Variants in TAPT1 observed in about 807,000 individuals in gnomAD.
TAPT1 encodes transmembrane anterior posterior transformation 1.
TAPT1 carries 28 observed loss-of-function variants against 65.6 expected under a neutral mutation model. The ratio of observed to expected loss-of-function variants is 0.43; its 90% CI spans 0.32 to 0.59. The LOEUF (loss-of-function observed/expected upper bound fraction) is 0.59. Among genes scored for constraint, TAPT1 ranks in the 20% least tolerant of loss-of-function variants. The pLI is 0.09. For missense variants in TAPT1, 563 were observed against 679.9 expected (o/e 0.83, Z 1.91); for synonymous variants, 278 against 245.2 (o/e 1.13, Z -1.25).
chr4:16,191,569 G>A, intron 3 of TAPT1, 46 bp from the exon 4 acceptor site: 1 of 1,508,104 alleles, frequency 6.6e-7, no homozygotes, highest in Non-Finnish European at 8.9e-7. Context: ...TACTCTGTAT[G>A]TTCTCACAAA....
chr4:16,190,297 T>C (rs77344723), intron 4 of TAPT1: 8,096 of 152,146 alleles, frequency 0.053, 236 homozygotes, highest in Middle Eastern at 0.14. Context: ...ATAGACCTTA[T>C]TGTATCCCCC....
chr4:16,222,708 T>A (rs1751322790), intron 1 of TAPT1, among the ~76,000 whole-genome samples: 1 of 152,234 alleles, frequency 6.6e-6, no homozygotes, highest in Non-Finnish European at 1.5e-5. Flanking sequence ...AAAATTCAGT[T>A]GACTTTTCTG....
chr4:16,183,938 A>T (rs1370792392), intron 7 of TAPT1, among the ~76,000 whole-genome samples: 1 of 152,198 alleles, frequency 6.6e-6, no homozygotes, highest in Non-Finnish European at 1.5e-5. Context: ...TTTATGTTCA[A>T]GTTTTCCATT....
intron 13 of TAPT1, among the ~76,000 whole-genome samples, chr4:16,164,497 C>T (rs1287368700): frequency 6.6e-6 from 1 of 152,160 alleles, no homozygotes; most frequent in Non-Finnish European, 1.5e-5. Flanking sequence ...CATAACATGA[C>T]CCCTGAGTCA....
At chr4:16,170,780 C>G in intron 11 of TAPT1, 51 bp from the exon 12 acceptor site, 1 of 1,384,832 alleles carries the variant, frequency 7.2e-7, no homozygotes, top group Non-Finnish European at 1.0e-6. Context: ...GAACACACAA[C>G]CACAGAGTTA....
At chr4:16,199,979 T>C (rs1365579283) in intron 3 of TAPT1, among the ~76,000 whole-genome samples, 1 of 152,190 alleles carries the variant, frequency 6.6e-6, no homozygotes, top group African/African-American at 2.4e-5. Flanking sequence ...AACACAGTTT[T>C]AGATGCCTGT....
intron 7 of TAPT1, chr4:16,182,997 A>C (rs987234848): frequency 2.6e-5 from 4 of 152,226 alleles, no homozygotes; most frequent in African/African-American, 9.6e-5. Context: ...GATGGAGAAA[A>C]AATTCATAGG....
At chr4:16,199,828 T>C (rs1241021381) in intron 3 of TAPT1, among the ~76,000 whole-genome samples, 1 of 152,004 alleles carries the variant, frequency 6.6e-6, no homozygotes, top group Non-Finnish European at 1.5e-5. Flanking sequence ...GGCCTCAAGC[T>C]ACCCTCCCAC....
chr4:16,226,029 C>T, intron 1 of TAPT1: 4 of 1,005,586 alleles, frequency 4.0e-6, no homozygotes, highest in Non-Finnish European at 4.7e-6. Context: ...CACACCTGGC[C>T]TGGCGCGGCC....
chr4:16,194,648 CA>C (rs1013176577), intron 3 of TAPT1, among the ~76,000 whole-genome samples: 20 of 149,466 alleles, frequency 1.3e-4, no homozygotes, highest in African/African-American at 3.9e-4. Context: ...AAAATGAACG[CA>C]AAAAAAAACT....
At chr4:16,205,525 C>T (rs138460131) in intron 2 of TAPT1, among the ~76,000 whole-genome samples, 107 of 152,196 alleles carry the variant, frequency 7.0e-4, no homozygotes, top group African/African-American at 2.4e-3. Flanking sequence ...TGACACAAAC[C>T]GCATGCTAAG....
intron 12 of TAPT1, among the ~76,000 whole-genome samples, chr4:16,170,285 T>C (rs998345683): frequency 1.3e-5 from 2 of 152,236 alleles, no homozygotes; most frequent in South Asian, 2.1e-4. Context: ...CTGCCTACAG[T>C]GTGCTGAACA....
intron 2 of TAPT1, among the ~76,000 whole-genome samples, chr4:16,210,038 C>T (rs1231048735): frequency 3.3e-5 from 5 of 152,170 alleles, no homozygotes; most frequent in Admixed American, 6.5e-5. Flanking sequence ...AGGCTTCAGG[C>T]ATGTGCCCAT....
chr4:16,227,101 A>G (rs1412957352), upstream of TAPT1: 1 of 455,248 alleles, frequency 2.2e-6, no homozygotes, highest in Admixed American at 2.3e-5. Flanking sequence ...TGCCTGTTAC[A>G]TTCCCTGGCC....
chr4:16,216,592 C>G (rs1418821803), intron 1 of TAPT1, among the ~76,000 whole-genome samples: 1 of 152,178 alleles, frequency 6.6e-6, no homozygotes, highest in Non-Finnish European at 1.5e-5. Flanking sequence ...CTGGCATTAC[C>G]AGTGACATAC....
chr4:16,212,200 C>G (rs1244586496), intron 2 of TAPT1, among the ~76,000 whole-genome samples: 1 of 152,186 alleles, frequency 6.6e-6, no homozygotes, highest in Non-Finnish European at 1.5e-5. Context: ...GCAAATCCCT[C>G]TGTGTTCTCC....
At chr4:16,186,901 A>C in intron 5 of TAPT1, 23 bp from the exon 6 acceptor site, 1 of 1,472,194 alleles carries the variant, frequency 6.8e-7, no homozygotes, top group Non-Finnish European at 9.4e-7. Flanking sequence ...CAAGGAAAAA[A>C]CTTAAATTTG....
Position 16,186,965 on chromosome 4 carries a change from T to C in TAPT1, c.749-87A>G, listed in dbSNP as rs1243326095. 1.1e-5 allele frequency: 8 copies of C among 710,146 alleles called. No homozygotes were observed. In the African/African-American group the frequency reaches 1.3e-4, roughly 11 times the overall value. The allele number at this position is 710,146 out of a possible 1,614,324, so 44.0% of individuals were successfully genotyped here. ...AAATTTTGAAAGTGAATAATAAAGA[T>C]GACTTTCTTTTCTAAATTGTCTTAA... On this transcript the variant is annotated intron_variant, in intron 5 of 13. Coordinates refer to ENST00000405303, the MANE Select transcript of TAPT1 (RefSeq NM_153365.3).
rs1747264571 is a variant in TAPT1 at position 16,161,794 on chromosome 4, A to G, written c.*1514T>C. The stretch of plus-strand genomic sequence containing the variant: ...TTCAAATGAACAAGTCAGAACATTA[A>G]AGCTTGCTTTATATTTCATCCAAGA... On this transcript the variant is annotated 3_prime_UTR_variant, in exon 14 of 14. Coordinates refer to ENST00000405303, the MANE Select transcript of TAPT1 (RefSeq NM_153365.3). 6.6e-6 allele frequency: 1 copy of G among 152,216 alleles called. No homozygotes were observed. The highest frequency in any genetic ancestry group is 2.1e-4 in the South Asian group (1 of 4,822). 9.4% of individuals were successfully genotyped at this position (152,216 alleles called of 1,614,324 possible).
Sources: allele counts gnomAD v4.1 joint callset (sites outside exome capture counted in the v4.1 genomes callset), GRCh38; gene constraint gnomAD v4.1.1; transcripts MANE v1.5; gene names NCBI Gene and HGNC (gene_info 2026-07-23, HGNC 2026-07-21).